The following NRG1 variants were observed in gnomAD, a reference collection of about 807,000 sequenced individuals.
The protein encoded by NRG1 is neuregulin 1.
In NRG1, 18 loss-of-function variants were observed where a neutral mutation model predicts 63.8. The ratio of observed to expected loss-of-function variants is 0.28; its 90% CI spans 0.19 to 0.42. The LOEUF (loss-of-function observed/expected upper bound fraction) is 0.42. Ranked by LOEUF, NRG1 falls within the 10% of genes least tolerant of loss-of-function variation. The pLI, the probability that NRG1 is intolerant of heterozygous loss-of-function variation, is 1.00. For missense variants in NRG1, 762 were observed against 814.7 expected, an observed-to-expected ratio of 0.94 and a Z score of 0.79; for synonymous variants, 302 against 301.3, an observed-to-expected ratio of 1.00 and a Z score of -0.02.
chr8:32,195,008 T>G (rs1842830118), intron 1 of NRG1, among the ~76,000 whole-genome samples: 2 of 152,200 alleles, frequency 1.3e-5, no homozygotes, highest in East Asian at 3.9e-4. Flanking sequence ...ATATGTAAGT[T>G]ATTTAATACT....
At chr8:32,059,844 T>C (rs1165628423) in intron 1 of NRG1, among the ~76,000 whole-genome samples, 1 of 152,004 alleles carries the variant, frequency 6.6e-6, no homozygotes, top group Non-Finnish European at 1.5e-5. Context: ...TAATATGTTC[T>C]CGCCTCCATT....
chr8:32,762,243 G>A (rs1033779753), intron 11 of NRG1, among the ~76,000 whole-genome samples: 2 of 151,876 alleles, frequency 1.3e-5, no homozygotes, highest in Admixed American at 6.6e-5. Context: ...AATGTATTAA[G>A]GAAGTCTATC....
intron 1 of NRG1, among the ~76,000 whole-genome samples, chr8:31,852,561 C>T (rs935844662): frequency 1.3e-5 from 2 of 151,318 alleles, no homozygotes; most frequent in African/African-American, 4.8e-5. Context: ...TTGTAGGTTG[C>T]CTGTTCACTC....
chr8:32,690,236 A>T (rs1811220921), intron 5 of NRG1, among the ~76,000 whole-genome samples: 1 of 152,180 alleles, frequency 6.6e-6, no homozygotes, highest in African/African-American at 2.4e-5. Flanking sequence ...AAACAGTAAG[A>T]CCAGATTTCC....
intron 1 of NRG1, among the ~76,000 whole-genome samples, chr8:32,158,185 A>T (rs556642606): frequency 3.9e-4 from 59 of 151,782 alleles, no homozygotes; most frequent in Admixed American, 9.2e-4. Flanking sequence ...CTCCTGGTGG[A>T]TGCCCCCTTC....
intron 1 of NRG1, among the ~76,000 whole-genome samples, chr8:32,051,220 A>G (rs1166939353): frequency 1.3e-5 from 2 of 152,102 alleles, no homozygotes; most frequent in Non-Finnish European, 2.9e-5. Flanking sequence ...TCGTTTATGT[A>G]TTTAAAATAC....
At chr8:32,531,581 A>G (rs948095261) in intron 1 of NRG1, among the ~76,000 whole-genome samples, 5 of 152,210 alleles carry the variant, frequency 3.3e-5, no homozygotes, top group African/African-American at 4.8e-5. Context: ...TCCATTTTAA[A>G]AAGTTATTGT....
At chr8:31,733,799 C>G (rs1472347115) in intron 1 of NRG1, among the ~76,000 whole-genome samples, 6 of 152,268 alleles carry the variant, frequency 3.9e-5, no homozygotes, top group East Asian at 1.9e-4. Flanking sequence ...TCTCTGCCCC[C>G]CCGCCCACAT....
chr8:31,689,093 C>T (rs1320569648), intron 1 of NRG1, among the ~76,000 whole-genome samples: 1 of 152,210 alleles, frequency 6.6e-6, no homozygotes, highest in Non-Finnish European at 1.5e-5. Context: ...CCATCTTCCA[C>T]TTCAAGAATC....
intron 1 of NRG1, among the ~76,000 whole-genome samples, chr8:32,261,660 G>A (rs557400993): frequency 4.0e-4 from 61 of 152,144 alleles, no homozygotes; most frequent in Non-Finnish European, 5.0e-4. Context: ...CAACAGTTGC[G>A]CTTTTAACAC....
At chr8:32,763,166 A>T (rs1448351878) in intron 11 of NRG1, 8 of 1,570,872 alleles carry the variant, frequency 5.1e-6, no homozygotes, top group South Asian at 4.5e-5. Context: ...CAAATGTATG[A>T]CACTGTTGTC....
At chr8:31,858,888 G>A (rs563247934) in intron 1 of NRG1, among the ~76,000 whole-genome samples, 10 of 152,198 alleles carry the variant, frequency 6.6e-5, no homozygotes, top group Admixed American at 2.0e-4. Flanking sequence ...GATCTCTCGC[G>A]AACTGACTCC....
intron 1 of NRG1, among the ~76,000 whole-genome samples, chr8:32,456,311 C>G (rs1821590228): frequency 6.6e-6 from 1 of 152,156 alleles, no homozygotes; most frequent in African/African-American, 2.4e-5. Flanking sequence ...AATTAGCACT[C>G]CTGTTTGCTC....
intron 1 of NRG1, among the ~76,000 whole-genome samples, chr8:32,436,437 A>C (rs1344147045): frequency 6.6e-6 from 1 of 152,212 alleles, no homozygotes; most frequent in Non-Finnish European, 1.5e-5. Context: ...TTTTCAACAA[A>C]TAATTTGCTT....
chr8:32,490,763 C>A (rs1376575610), intron 1 of NRG1, among the ~76,000 whole-genome samples: 1 of 151,926 alleles, frequency 6.6e-6, no homozygotes, highest in Non-Finnish European at 1.5e-5. Flanking sequence ...GCCCATTCAC[C>A]CCTTTGTTTT....
At chr8:32,386,258 C>T (rs1194349374) in intron 1 of NRG1, among the ~76,000 whole-genome samples, 1 of 152,214 alleles carries the variant, frequency 6.6e-6, no homozygotes, top group Admixed American at 6.5e-5. Flanking sequence ...TGTGCCACCA[C>T]ATCTGGCCCT....
chr8:32,018,479 C>T, intron 1 of NRG1, among the ~76,000 whole-genome samples: 1 of 152,038 alleles, frequency 6.6e-6, no homozygotes, highest in East Asian at 1.9e-4. Flanking sequence ...TTCTATTACC[C>T]TATATTAATT....
At chr8:32,105,935 A>G (rs1831201432) in intron 1 of NRG1, among the ~76,000 whole-genome samples, 1 of 152,026 alleles carries the variant, frequency 6.6e-6, no homozygotes, top group South Asian at 2.1e-4. Flanking sequence ...GTTTCTTTTG[A>G]GCAGTGGAAA....
At chr8:32,146,882 T>C (rs1011139509) in intron 1 of NRG1, among the ~76,000 whole-genome samples, 1 of 152,024 alleles carries the variant, frequency 6.6e-6, no homozygotes, top group African/African-American at 2.4e-5. Context: ...AAAAGCTGCC[T>C]AAGGAAAGTA....
Sources: gnomAD v4.1 joint callset for allele counts (sites outside exome capture counted in the v4.1 genomes callset) on GRCh38, gnomAD v4.1.1 for gene constraint, MANE v1.5 for transcripts, NCBI Gene and HGNC (gene_info 2026-07-23, HGNC 2026-07-21) for gene names.